Variants in OR1B1 observed in about 807,000 individuals in gnomAD.
The protein encoded by OR1B1 is olfactory receptor family 1 subfamily B member 1.
For missense variants in OR1B1, 414 were observed against 402.1 expected (o/e 1.03, Z -0.25); for synonymous variants, 168 against 156.2 (o/e 1.08, Z -0.57).
exon 1 of OR1B1, chr9:122,628,940 T>G: frequency 2.5e-6 from 4 of 1,614,060 alleles, no homozygotes; most frequent in Non-Finnish European, 3.4e-6. Context: ...CTCATTAGAA[T>G]GTATGTCAGA....
At chr9:122,628,472 C>T, downstream of OR1B1, 1 of 719,810 alleles carries the variant, frequency 1.4e-6, no homozygotes, top group African/African-American at 1.8e-5. Context: ...TCTGGAGTTC[C>T]TTAAGTTATC....
chr9:122,653,520 C>T, the OR1B1 span, among the ~76,000 whole-genome samples: 1 of 152,090 alleles, frequency 6.6e-6, no homozygotes, highest in African/African-American at 2.4e-5. Context: ...CAATATAAGA[C>T]ATTCTATTAC....
At chr9:122,651,775 A>G in the OR1B1 span, among the ~76,000 whole-genome samples, 3,785 of 152,280 alleles carry the variant, frequency 0.025, 154 homozygotes, top group East Asian at 0.19. Flanking sequence ...TTGTGAGTTC[A>G]TTTTTGAAAT....
At chr9:122,648,708 T>G in the OR1B1 span, among the ~76,000 whole-genome samples, 17 of 152,260 alleles carry the variant, frequency 1.1e-4, no homozygotes, top group African/African-American at 2.9e-4. Flanking sequence ...TTGAAGGACC[T>G]CTTCAAGGAG....
the OR1B1 span, among the ~76,000 whole-genome samples, chr9:122,656,390 A>G: frequency 6.6e-6 from 1 of 152,058 alleles, no homozygotes; most frequent in Non-Finnish European, 1.5e-5. Context: ...CTTTAAGAGG[A>G]GATTAGGTAT....
upstream of OR1B1, among the ~76,000 whole-genome samples, chr9:122,632,064 T>C (rs181224291): frequency 1.3e-5 from 2 of 152,158 alleles, no homozygotes; most frequent in South Asian, 2.1e-4. Context: ...CAGTGACTTA[T>C]AGACTCTAGA....
chr9:122,648,432 A>G, the OR1B1 span, among the ~76,000 whole-genome samples: 4 of 152,236 alleles, frequency 2.6e-5, no homozygotes, highest in African/African-American at 7.2e-5. Context: ...GCTATTTATG[A>G]CAAACCCACA....
At chr9:122,630,285 C>CT, upstream of OR1B1, among the ~76,000 whole-genome samples, 1 of 152,156 alleles carries the variant, frequency 6.6e-6, no homozygotes, top group Admixed American at 6.5e-5. Flanking sequence ...CATGAAATTA[C>CT]TTTTTCTTTC....
upstream of OR1B1, among the ~76,000 whole-genome samples, chr9:122,634,126 C>T (rs1327064242): frequency 1.3e-5 from 2 of 151,856 alleles, no homozygotes; most frequent in East Asian, 1.9e-4. Flanking sequence ...CACCTGAAGT[C>T]GGGAGTTTGA....
chr9:122,656,274 T>C, the OR1B1 span, among the ~76,000 whole-genome samples: 57 of 152,322 alleles, frequency 3.7e-4, no homozygotes, highest in Admixed American at 3.5e-3. Context: ...ATATTATACA[T>C]AGACAAAGAC....
the OR1B1 span, among the ~76,000 whole-genome samples, chr9:122,638,044 A>T: frequency 6.6e-6 from 1 of 152,240 alleles, no homozygotes; most frequent in East Asian, 1.9e-4. Flanking sequence ...CCAAGACATA[A>T]TGTTAACTGG....
At chr9:122,629,541 ACAGT>A (rs780363417) in exon 1 of OR1B1, 15 of 1,561,152 alleles carry the variant, frequency 9.6e-6, no homozygotes, top group Admixed American at 3.6e-5. Context: ...ATCATGAGTG[ACAGT>A]CAGCCTGCCT....
At chr9:122,654,633 C>T in the OR1B1 span, among the ~76,000 whole-genome samples, 1 of 152,184 alleles carries the variant, frequency 6.6e-6, no homozygotes, top group Non-Finnish European at 1.5e-5. Flanking sequence ...CTAACTGAAA[C>T]TTTGTACCCT....
At chr9:122,651,017 G>A in the OR1B1 span, among the ~76,000 whole-genome samples, 1 of 149,544 alleles carries the variant, frequency 6.7e-6, no homozygotes, top group Non-Finnish European at 1.5e-5. Flanking sequence ...AGAGCGAGAC[G>A]CCGTCTCAAA....
At chr9:122,643,832 C>T in the OR1B1 span, among the ~76,000 whole-genome samples, 1 of 152,320 alleles carries the variant, frequency 6.6e-6, no homozygotes, top group East Asian at 1.9e-4. Context: ...ATTCCAGGCC[C>T]TAGCTCTGGG....
upstream of OR1B1, among the ~76,000 whole-genome samples, chr9:122,633,796 G>A (rs1439022993): frequency 6.6e-6 from 1 of 151,976 alleles, no homozygotes; most frequent in East Asian, 1.9e-4. Flanking sequence ...CCGGCATGGT[G>A]GGACATGCCT....
chr9:122,629,590 T>C, upstream of OR1B1: 1 of 1,110,222 alleles, frequency 9.0e-7, no homozygotes, highest in Non-Finnish European at 1.3e-6. Flanking sequence ...AAGTCATGGG[T>C]CTGATGTTAG....
the OR1B1 span, among the ~76,000 whole-genome samples, chr9:122,640,264 G>T: frequency 1.3e-5 from 2 of 151,848 alleles, no homozygotes; most frequent in Non-Finnish European, 2.9e-5. Flanking sequence ...CCTCCAAGTG[G>T]TTATCTCTTT....
the OR1B1 span, among the ~76,000 whole-genome samples, chr9:122,654,104 G>A: frequency 6.6e-6 from 1 of 152,060 alleles, no homozygotes; most frequent in African/African-American, 2.4e-5. Context: ...GGCTCTAATG[G>A]GGATTGAGGA....
Sources: gnomAD v4.1 joint callset for allele counts (sites outside exome capture counted in the v4.1 genomes callset) on GRCh38, gnomAD v4.1.1 for gene constraint, MANE v1.5 for transcripts, NCBI Gene and HGNC (gene_info 2026-07-23, HGNC 2026-07-21) for gene names.